Variants in NNT observed in about 807,000 individuals in gnomAD.
NNT encodes nicotinamide nucleotide transhydrogenase, also known as NAD(P) transhydrogenase, mitochondrial.
NNT carries 50 observed loss-of-function variants against 104.8 expected under a neutral mutation model. The ratio of observed to expected loss-of-function variants is 0.48; its 90% CI spans 0.38 to 0.60. The LOEUF is 0.60. Ranked by LOEUF, NNT falls within the 20% of genes least tolerant of loss-of-function variation. The pLI is 0.00. For synonymous variants in NNT, 461 were observed against 490.4 expected (o/e 0.94, Z 0.79); for missense variants, 1,131 against 1,330.7 (o/e 0.85, Z 2.33).
chr5:43,612,857 T>C (rs749508111), intron 2 of NNT, 51 bp from the exon 3 acceptor site: 6 of 1,327,188 alleles, frequency 4.5e-6, no homozygotes, highest in Admixed American at 2.0e-5. Flanking sequence ...AAACATTTTT[T>C]GTTTGTTTTT....
At chr5:43,668,019 G>A (rs911574693) in intron 17 of NNT, among the ~76,000 whole-genome samples, 6 of 152,214 alleles carry the variant, frequency 3.9e-5, no homozygotes, top group African/African-American at 1.4e-4. Flanking sequence ...CTGATGGCCA[G>A]TGATGATGAA....
chr5:43,613,243 C>A, intron 3 of NNT, 106 bp downstream of exon 3: 2 of 856,840 alleles, frequency 2.3e-6, no homozygotes, highest in Non-Finnish European at 3.6e-6. Context: ...TTCCTATTTT[C>A]AAACAGTGTA....
chr5:43,628,266 T>C lies in NNT; in HGVS notation c.843T>C (p.Ser281=), dbSNP rs1750473631. 2 of 1,614,024 alleles carry C rather than the reference T, an allele frequency of 1.2e-6. No homozygotes were observed. Among genetic ancestry groups the C allele is most frequent in the Non-Finnish European group, 1.7e-6 (2 of 1,179,964 alleles). Residue 281 remains serine, a synonymous_variant, in exon 7 of 22, where the codon TCT becomes TCC. Coordinates refer to ENST00000344920, the MANE Select transcript of NNT (RefSeq NM_182977.3). ...CCTTGGAGGTGGACTTGAAGGAATC[T>C]GGTGAGGGACAAGGAGGATATGCAA... ...AEPLEVDLKE[S]GEGQGGYAKE...
chr5:43,669,292 C>T (rs1252342217), intron 17 of NNT, among the ~76,000 whole-genome samples: 1 of 152,050 alleles, frequency 6.6e-6, no homozygotes, highest in African/African-American at 2.4e-5. Context: ...TGCCTGATTG[C>T]CCTGGCCAGA....
intron 12 of NNT, among the ~76,000 whole-genome samples, chr5:43,651,372 TTCG>T (rs567577161): frequency 2.3e-3 from 342 of 151,920 alleles, no homozygotes; most frequent in African/African-American, 7.9e-3. Context: ...AGGTCAGGAG[TTCG>T]AGACCAGCCT....
At position 43,619,100 on chromosome 5, in the gene NNT, GA is replaced by G; in HGVS notation, c.672del (p.Val225PhefsTer7). ...RFFTGQITAA[G>X]KVPPAKILIV... ...TTTACTGGTCAGATCACAGCTGCTG[GA>G]AAAGTTCCTCCAGCTAAGGTAGGTA... On this transcript the variant is annotated frameshift_variant, in exon 5 of 22. Coordinates refer to ENST00000344920, the MANE Select transcript of NNT (RefSeq NM_182977.3). LOFTEE classifies it high-confidence loss of function. The G allele has an allele frequency of 2.6e-6, 4 of 1,548,142 alleles. No individual in the cohort carries two copies. The highest frequency in any genetic ancestry group is 1.8e-5 in the Admixed American group (1 of 55,822).
chr5:43,640,576 T>C (rs1206250815), intron 7 of NNT, among the ~76,000 whole-genome samples: 1 of 152,062 alleles, frequency 6.6e-6, no homozygotes, highest in Non-Finnish European at 1.5e-5. Context: ...AAATGATATG[T>C]GGTTTTTTTG....
At chr5:43,700,452 C>G (rs543503430) in intron 20 of NNT, among the ~76,000 whole-genome samples, 1 of 152,176 alleles carries the variant, frequency 6.6e-6, no homozygotes, top group Non-Finnish European at 1.5e-5. Context: ...TTTTCTCCTC[C>G]GTGAAGAACT....
chr5:43,647,565 G>C (rs981861260), intron 10 of NNT, among the ~76,000 whole-genome samples: 4 of 152,068 alleles, frequency 2.6e-5, no homozygotes, highest in Non-Finnish European at 5.9e-5. Context: ...GAATGTATTT[G>C]AACAGCATTC....
intron 19 of NNT, among the ~76,000 whole-genome samples, chr5:43,680,152 A>G (rs1452171982): frequency 6.6e-6 from 1 of 152,022 alleles, no homozygotes; most frequent in Non-Finnish European, 1.5e-5. Context: ...AATTTTTTTT[A>G]TTGAAAGAGA....
intron 16 of NNT, among the ~76,000 whole-genome samples, chr5:43,658,767 ATCT>A (rs765871800): frequency 5.3e-5 from 8 of 152,156 alleles, no homozygotes; most frequent in Non-Finnish European, 1.0e-4. Flanking sequence ...TATCTTCAGG[ATCT>A]TCAAGTCAGT....
chr5:43,623,240 T>C (rs891298471), intron 5 of NNT, among the ~76,000 whole-genome samples: 9 of 152,186 alleles, frequency 5.9e-5, no homozygotes, highest in African/African-American at 2.2e-4. Flanking sequence ...GCTTCACTGA[T>C]TCTGTGGGTG....
chr5:43,635,888 C>T (rs531367282), intron 7 of NNT, among the ~76,000 whole-genome samples: 17 of 152,196 alleles, frequency 1.1e-4, no homozygotes, highest in African/African-American at 3.4e-4. Flanking sequence ...GGGGTTAGGG[C>T]GTCAACATAG....
In NNT at chr5:43,682,697, C is replaced by T. The variant is rs76751262; in HGVS notation, c.2876+4891C>T. Reference sequence around the variant, plus strand: ...ATTATCTTGTATAGTATTTGAGTAACGAAATAGACATTATTTAGCAGTTTC... The same window carrying T: ...ATTATCTTGTATAGTATTTGAGTAATGAAATAGACATTATTTAGCAGTTTC... On this transcript the variant is annotated intron_variant, in intron 19 of 21. Transcript: ENST00000344920. Among the ~76,000 whole-genome samples, 521 of 152,132 alleles carry T rather than the reference C, an allele frequency of 3.4e-3. 1 individual carries two copies. Among genetic ancestry groups the T allele is most frequent in the African/African-American group, 0.012 (488 of 41,500 alleles).
chr5:43,639,544 C>A (rs1161251710), intron 7 of NNT, among the ~76,000 whole-genome samples: 1 of 152,100 alleles, frequency 6.6e-6, no homozygotes, highest in Non-Finnish European at 1.5e-5. Flanking sequence ...GTTGACCAAC[C>A]TTTGAATGCA....
rs1287039494 is a variant in NNT at position 43,656,671 on chromosome 5, C to G, written c.2312C>G (p.Pro771Arg). The G allele has an allele frequency of 6.2e-7, 1 of 1,612,714 alleles. No individual in the cohort carries two copies. Among genetic ancestry groups the G allele is most frequent in the African/African-American group, 1.3e-5 (1 of 74,866 alleles). ...GCTCTAGGTCTCCTGAAATCTGCCCCTCTCCTACTGCCTGGAAGGCACTTA... is the reference window on the plus strand; with the variant it reads ...GCTCTAGGTCTCCTGAAATCTGCCCGTCTCCTACTGCCTGGAAGGCACTTA... ...GKLQGLLKSA[P>R]LLLPGRHLLN... The change falls in exon 16 of 22, where the codon CCT becomes CGT. Residue 771 changes from proline (P) to arginine (R), a missense_variant. By Grantham distance (103) the Pro-to-Arg change is moderately radical (BLOSUM62 -2). Transcript: ENST00000344920.
intron 3 of NNT, among the ~76,000 whole-genome samples, chr5:43,615,363 A>G (rs1749733303): frequency 6.6e-6 from 1 of 152,240 alleles, no homozygotes; most frequent in South Asian, 2.1e-4. Flanking sequence ...ACATAAATCT[A>G]TACTTAGTTT....
chr5:43,614,977 A>G (rs1261612085), intron 3 of NNT, among the ~76,000 whole-genome samples: 1 of 151,368 alleles, frequency 6.6e-6, no homozygotes, highest in African/African-American at 2.4e-5. Context: ...CTCTACTAAA[A>G]ATACAAAAAA....
At chr5:43,674,273 T>G (rs917581802) in intron 17 of NNT, among the ~76,000 whole-genome samples, 2 of 152,176 alleles carry the variant, frequency 1.3e-5, no homozygotes, top group African/African-American at 4.8e-5. Context: ...TATGGCTTCT[T>G]GCTTATCTTC....
Sources: gnomAD v4.1 joint callset for allele counts (sites outside exome capture counted in the v4.1 genomes callset) on GRCh38, gnomAD v4.1.1 for gene constraint, MANE v1.5 for transcripts, NCBI Gene and HGNC (gene_info 2026-07-23, HGNC 2026-07-21) for gene names.